VGLL4: variants seen among roughly 807,000 people sequenced by gnomAD.
VGLL4 encodes vestigial like family member 4, also known as transcription cofactor vestigial-like protein 4.
In VGLL4, 7 loss-of-function variants were observed where a neutral mutation model predicts 21.0. The ratio of observed to expected loss-of-function variants is 0.33; its 90% confidence interval spans 0.19 to 0.63. VGLL4 has a LOEUF of 0.63. VGLL4 is among the 20% of genes least tolerant of loss of function. The pLI, the probability that VGLL4 is intolerant of heterozygous loss-of-function variation, is 0.78. For synonymous variants in VGLL4, 222 were observed against 173.2 expected (o/e 1.28, Z -2.21); for missense variants, 394 against 425.7 (o/e 0.93, Z 0.66).
At chr3:11,627,209 C>A (rs1187506567) in intron 1 of VGLL4, 2 of 137,546 alleles carry the variant, frequency 1.5e-5, no homozygotes. Context: ...TATACACACA[C>A]ACACACACAC....
intron 2 of VGLL4, among the ~76,000 whole-genome samples, chr3:11,573,245 GAGAA>G (rs777365240): frequency 0.024 from 1,901 of 78,586 alleles, 66 homozygotes; most frequent in African/African-American, 0.029. Context: ...AAAAGAAATA[GAGAA>G]AGAAAGAAAG....
At chr3:11,620,126 G>A (rs2251175) in intron 1 of VGLL4, among the ~76,000 whole-genome samples, 88,471 of 151,966 alleles carry the variant, frequency 0.58, 27,307 homozygotes, top group Non-Finnish European at 0.71. Context: ...AATTCATTTC[G>A]TACTCCTATT....
At chr3:11,569,779 G>A (rs1413116117) in intron 2 of VGLL4, among the ~76,000 whole-genome samples, 1 of 152,204 alleles carries the variant, frequency 6.6e-6, no homozygotes, top group Non-Finnish European at 1.5e-5. Context: ...CTACTTGGAG[G>A]CTGAAGTGGG....
At chr3:11,584,855 G>A (rs755597924) in intron 2 of VGLL4, among the ~76,000 whole-genome samples, 3 of 148,760 alleles carry the variant, frequency 2.0e-5, no homozygotes, top group East Asian at 2.0e-4. Context: ...GGCGGAAGGC[G>A]CCCATGGTGG....
At chr3:11,594,640 G>A (rs1270438349) in intron 2 of VGLL4, among the ~76,000 whole-genome samples, 2 of 152,154 alleles carry the variant, frequency 1.3e-5, no homozygotes, top group Admixed American at 1.3e-4. Context: ...TGCACCCACT[G>A]TTTGCCTTCA....
intron 2 of VGLL4, among the ~76,000 whole-genome samples, chr3:11,685,333 G>A (rs774981268): frequency 3.3e-5 from 5 of 151,990 alleles, no homozygotes; most frequent in African/African-American, 4.8e-5. Flanking sequence ...TGAGTAGCTG[G>A]GAATACAGGC....
chr3:11,595,322 A>G (rs2074609886), intron 2 of VGLL4, among the ~76,000 whole-genome samples: 1 of 152,194 alleles, frequency 6.6e-6, no homozygotes, highest in Non-Finnish European at 1.5e-5. Flanking sequence ...CAATCATTAA[A>G]AAGTCAGGAA....
At chr3:11,643,917 C>T (rs1478649073), upstream of VGLL4, 6 of 1,009,824 alleles carry the variant, frequency 5.9e-6, no homozygotes, top group Non-Finnish European at 7.1e-6. Context: ...GAGGGCTATG[C>T]TTGGCATGAC....
upstream of VGLL4, among the ~76,000 whole-genome samples, chr3:11,645,362 G>A (rs981303852): frequency 4.0e-5 from 6 of 150,202 alleles, no homozygotes; most frequent in African/African-American, 1.2e-4. Flanking sequence ...AGGCCGAGGC[G>A]GGTGGATCAT....
chr3:11,595,427 G>A (rs2125252834), intron 2 of VGLL4, among the ~76,000 whole-genome samples: 1 of 152,308 alleles, frequency 6.6e-6, no homozygotes, highest in Admixed American at 6.5e-5. Context: ...AGTCAGTGTG[G>A]TGATTCCTCA....
chr3:11,621,573 G>C (rs938266990), intron 1 of VGLL4, among the ~76,000 whole-genome samples: 2 of 152,138 alleles, frequency 1.3e-5, no homozygotes, highest in Non-Finnish European at 2.9e-5. Flanking sequence ...TTCATCAGCT[G>C]ATGGGTATTT....
intron 1 of VGLL4, chr3:11,604,435 A>G: frequency 1.0e-6 from 1 of 957,520 alleles, no homozygotes; most frequent in African/African-American, 1.8e-5. Flanking sequence ...ACAGCAAAGG[A>G]AAAGAATCCG....
chr3:11,633,527 G>A (rs574493915), intron 1 of VGLL4: 1 of 152,312 alleles, frequency 6.6e-6, no homozygotes, highest in Admixed American at 6.5e-5. Context: ...AAAATTAGCT[G>A]GGTGTGGTGG....
At chr3:11,709,296 G>C (rs1343300724) in intron 1 of VGLL4, among the ~76,000 whole-genome samples, 1 of 151,394 alleles carries the variant, frequency 6.6e-6, no homozygotes, top group African/African-American at 2.4e-5. Context: ...AATTAGCCAG[G>C]CATGGTAGCA....
chr3:11,678,772 C>T (rs1013063521), intron 2 of VGLL4, among the ~76,000 whole-genome samples: 2 of 152,132 alleles, frequency 1.3e-5, no homozygotes, highest in Admixed American at 6.5e-5. Flanking sequence ...TTTAAAACAA[C>T]TCATAGCAAA....
chr3:11,640,553 G>A lies in VGLL4; in HGVS notation c.82+2884C>T, dbSNP rs1420368298. ...AGTGAAGGGAATTAGTTAGCTTCCA[G>A]AAGTCAGCCAGACTTCGATTCTTCC... On this transcript the variant is annotated intron_variant, in intron 1 of 4. Coordinates refer to ENST00000430365, the MANE Select transcript of VGLL4 (RefSeq NM_001128219.3). Among the ~76,000 whole-genome samples, 3 of 152,304 alleles carry A rather than the reference G, an allele frequency of 2.0e-5. No individual in the cohort carries two copies. The East Asian group carries it at 5.8e-4, about 29-fold the overall frequency.
intron 2 of VGLL4, among the ~76,000 whole-genome samples, chr3:11,586,686 G>A (rs575159326): frequency 5.3e-5 from 8 of 152,306 alleles, no homozygotes; most frequent in Middle Eastern, 3.4e-3. Flanking sequence ...CATTTTACAC[G>A]AGGGACTTGA....
intron 2 of VGLL4, among the ~76,000 whole-genome samples, chr3:11,586,974 A>C (rs1030258570): frequency 2.0e-5 from 3 of 147,614 alleles, no homozygotes; most frequent in Admixed American, 1.3e-4. Flanking sequence ...GAATTGCACG[A>C]GACCTGCTTC....
rs541260414 is a variant in VGLL4 at position 11,583,952 on chromosome 3, CAT to C, written c.272+17879_272+17880del. ...AAGCTTCCCTCCGCTCCACGGCAGA[CAT>C]GTGTATTAAACACATACAATCATTC... On this transcript the variant is annotated intron_variant, in intron 2 of 4. Coordinates refer to ENST00000430365, the MANE Select transcript of VGLL4 (RefSeq NM_001128219.3). Among the ~76,000 whole-genome samples the C allele has an allele frequency of 4.6e-5, 7 of 152,350 alleles. No homozygotes were observed. In the South Asian group the frequency reaches 1.2e-3, roughly 27 times the overall value.
Sources: gnomAD v4.1 joint callset for allele counts (sites outside exome capture counted in the v4.1 genomes callset) on GRCh38, gnomAD v4.1.1 for gene constraint, MANE v1.5 for transcripts, NCBI Gene and HGNC (gene_info 2026-07-23, HGNC 2026-07-21) for gene names.